The following TRIP12 variants were observed in gnomAD, a reference collection of about 807,000 sequenced individuals.
TRIP12 encodes thyroid hormone receptor interactor 12.
TRIP12 carries 25 observed loss-of-function variants against 244.2 expected under a neutral mutation model. The ratio of observed to expected loss-of-function variants is 0.10; its 90% confidence interval spans 0.07 to 0.14. The LOEUF is 0.14. TRIP12 is among the 10% of genes least tolerant of loss of function. The pLI is 1.00. For missense variants in TRIP12, 1,677 were observed against 2,486.4 expected (o/e 0.67, Z 6.92); for synonymous variants, 905 against 873.1 (o/e 1.04, Z -0.64).
At chr2:229,920,109 C>T (rs1408105790) in intron 1 of TRIP12, among the ~76,000 whole-genome samples, 6 of 152,174 alleles carry the variant, frequency 3.9e-5, no homozygotes, top group Non-Finnish European at 7.3e-5. Flanking sequence ...CATATACAGG[C>T]CTCTTGCCTT....
chr2:229,887,849 CAG>C (rs2066389674), intron 1 of TRIP12, among the ~76,000 whole-genome samples: 2 of 152,144 alleles, frequency 1.3e-5, no homozygotes, highest in South Asian at 4.1e-4. Flanking sequence ...TACTATTAAT[CAG>C]GGGTTCAGAC....
At chr2:229,879,398 CA>C (rs1024384233) in intron 2 of TRIP12, among the ~76,000 whole-genome samples, 2 of 152,204 alleles carry the variant, frequency 1.3e-5, no homozygotes, top group African/African-American at 4.8e-5. Context: ...TGGAGTATTA[CA>C]TTCAAGAAAA....
chr2:229,847,332 C>T (rs577130919), intron 4 of TRIP12, among the ~76,000 whole-genome samples: 1 of 152,182 alleles, frequency 6.6e-6, no homozygotes, highest in African/African-American at 2.4e-5. Flanking sequence ...TATTTCAGAG[C>T]CTGGCCACAT....
intron 33 of TRIP12, among the ~76,000 whole-genome samples, chr2:229,787,041 G>C (rs754899230): frequency 2.0e-5 from 3 of 152,226 alleles, no homozygotes; most frequent in Non-Finnish European, 4.4e-5. Context: ...CAATACTGGA[G>C]CTAACTGGTA....
intron 30 of TRIP12, 73 bp downstream of exon 30, chr2:229,791,051 A>G (rs945030389): frequency 1.1e-5 from 18 of 1,580,626 alleles, no homozygotes; most frequent in Non-Finnish European, 1.6e-5. Context: ...AATCCAAATC[A>G]CTCTTTGAAA....
At chr2:229,803,209 G>A (rs1216329013) in intron 20 of TRIP12, among the ~76,000 whole-genome samples, 2 of 152,184 alleles carry the variant, frequency 1.3e-5, no homozygotes, top group East Asian at 1.9e-4. Flanking sequence ...GTAATCCCAC[G>A]CTGAGGCAGT....
intron 2 of TRIP12, among the ~76,000 whole-genome samples, chr2:229,871,111 T>C (rs968512466): frequency 6.7e-5 from 10 of 149,144 alleles, no homozygotes; most frequent in African/African-American, 2.2e-4. Context: ...GAGACAGAGG[T>C]TGCAGTGAGT....
chr2:229,767,477 C>T lies in TRIP12; in HGVS notation c.*77G>A. 1 of 1,475,424 alleles carries T rather than the reference C, an allele frequency of 6.8e-7. No homozygotes were observed. The highest frequency in any genetic ancestry group is 1.4e-5 in the South Asian group (1 of 68,982). 91.4% of individuals were successfully genotyped at this position (1,475,424 alleles called of 1,614,324 possible). On this transcript the variant is annotated 3_prime_UTR_variant, in exon 42 of 42. Transcript: ENST00000675903. ...GAAGGCGTAACATGTTTCCTTGACT[C>T]AGGTGATAACATTAGAAAAGAAATC...
Position 229,792,143 on chromosome 2 carries a change from A to G in TRIP12, c.4215+10T>C. On this transcript the variant is annotated intron_variant, in intron 28 of 41. Coordinates refer to ENST00000675903, the MANE Select transcript of TRIP12 (RefSeq NM_001348323.3). ...AGTACATTATACATGGTGGGAATAT[A>G]GTACCTTACCAGAGACTCATCTATT... 1 of 1,614,078 alleles carries G rather than the reference A, an allele frequency of 6.2e-7. No individual in the cohort carries two copies. Among genetic ancestry groups the G allele is most frequent in the East Asian group, 2.2e-5 (1 of 44,868 alleles).
intron 15 of TRIP12, among the ~76,000 whole-genome samples, 166 bp from the exon 16 acceptor site, chr2:229,808,535 T>TA (rs879746801): frequency 6.6e-6 from 1 of 152,108 alleles, no homozygotes; most frequent in African/African-American, 2.4e-5. Context: ...AATAAAGGCC[T>TA]AAAAAAAATT....
intron 24 of TRIP12, among the ~76,000 whole-genome samples, chr2:229,797,412 G>T (rs1002194937): frequency 1.3e-5 from 2 of 152,164 alleles, no homozygotes; most frequent in Non-Finnish European, 2.9e-5. Flanking sequence ...AGATGTGCTT[G>T]TGAGGACATT....
At chr2:229,799,132 A>T (rs2043546797) in intron 22 of TRIP12, 83 bp from the exon 23 acceptor site, 5 of 1,557,648 alleles carry the variant, frequency 3.2e-6, no homozygotes, top group Non-Finnish European at 4.4e-6. Context: ...TCACAGTCTT[A>T]ACAGATTAAT....
chr2:229,896,544 G>A lies in TRIP12; in HGVS notation c.-49-16416C>T, dbSNP rs2068881840. Reference sequence around the variant, plus strand: ...GGAGAATCGCTTGAACCTGGGAGGTGAAGGTTGCAGTGAGCTGAGATGGCG... The same window carrying A: ...GGAGAATCGCTTGAACCTGGGAGGTAAAGGTTGCAGTGAGCTGAGATGGCG... On this transcript the variant is annotated intron_variant, in intron 1 of 41. Transcript: ENST00000675903. 2.0e-5 allele frequency among the ~76,000 whole-genome samples: 3 copies of A among 152,112 alleles called. No individual in the cohort carries two copies. In the South Asian group the frequency reaches 6.2e-4, roughly 31 times the overall value.
At chr2:229,848,334 C>G (rs572511378) in intron 4 of TRIP12, among the ~76,000 whole-genome samples, 1 of 139,394 alleles carries the variant, frequency 7.2e-6, no homozygotes, top group African/African-American at 2.6e-5. Context: ...CCGCCCCCCC[C>G]ACACACACAA....
intron 8 of TRIP12, among the ~76,000 whole-genome samples, chr2:229,827,958 A>G (rs1490584223): frequency 6.6e-6 from 1 of 152,218 alleles, no homozygotes; most frequent in African/African-American, 2.4e-5. Flanking sequence ...TCTAAATGAT[A>G]AAAGTATGGT....
At chr2:229,887,198 A>G (rs911233178) in intron 1 of TRIP12, among the ~76,000 whole-genome samples, 2 of 152,266 alleles carry the variant, frequency 1.3e-5, no homozygotes, top group African/African-American at 4.8e-5. Flanking sequence ...CTGGCCAATC[A>G]TTAAGTGAAT....
At chr2:229,813,730 G>A (rs996392241) in intron 13 of TRIP12, 140 bp downstream of exon 13, 1 of 513,732 alleles carries the variant, frequency 1.9e-6, no homozygotes, top group Admixed American at 5.1e-5. Flanking sequence ...GTGGCAGTGA[G>A]CTGAGATCAC....
At chr2:229,881,628 C>G (rs750867990) in intron 1 of TRIP12, among the ~76,000 whole-genome samples, 23 of 151,776 alleles carry the variant, frequency 1.5e-4, no homozygotes, top group Admixed American at 3.9e-4. Flanking sequence ...TTAGAAAGTT[C>G]AAATTACTAA....
rs1239057753 is a variant in TRIP12 at position 229,799,393 on chromosome 2, G to A, written c.3207-10C>T. 36 of 1,612,584 alleles carry A rather than the reference G, an allele frequency of 2.2e-5. No homozygotes were observed. The highest frequency in any genetic ancestry group is 3.1e-5 in the Non-Finnish European group (36 of 1,178,776). On this transcript the variant is annotated splice_polypyrimidine_tract_variant and intron_variant, in intron 21 of 41. Transcript: ENST00000675903. The stretch of plus-strand genomic sequence containing the variant: ...AACATCACTTAATCGACTGTCCATG[G>A]GAAAATATGAGATAAGTTTAGCAAT...
Sources: allele counts gnomAD v4.1 joint callset (sites outside exome capture counted in the v4.1 genomes callset), GRCh38; gene constraint gnomAD v4.1.1; transcripts MANE v1.5; gene names NCBI Gene and HGNC (gene_info 2026-07-23, HGNC 2026-07-21).